SPOPL: variants seen among roughly 807,000 people sequenced by gnomAD.
SPOPL encodes the protein speckle type BTB/POZ protein like, also known as speckle-type POZ protein-like.
A neutral mutation model predicts 53.8 loss-of-function variants in SPOPL; 23 were observed. That is an observed-to-expected ratio of 0.43 (90% confidence interval 0.31 to 0.61). The LOEUF (loss-of-function observed/expected upper bound fraction) is 0.61. Ranked by LOEUF, SPOPL falls within the 20% of genes least tolerant of loss-of-function variation. SPOPL has a pLI of 0.12. For missense variants in SPOPL, 442 were observed against 466.9 expected, an observed-to-expected ratio of 0.95 and a Z score of 0.49; for synonymous variants, 164 against 149.7, an observed-to-expected ratio of 1.10 and a Z score of -0.70.
chr2:138,538,785 A>T lies in SPOPL; in HGVS notation c.-60-11372A>T, dbSNP rs180731643. On this transcript the variant is annotated intron_variant, in intron 1 of 10. Coordinates refer to ENST00000280098, the MANE Select transcript of SPOPL (RefSeq NM_001001664.3). ...TATTATACTTTAAGTTTTAGGGTTC[A>T]TGTGCACAACGTGCAGGTTAGTTAC... Among the ~76,000 whole-genome samples the T allele has an allele frequency of 8.6e-5, 13 of 150,666 alleles. No individual in the cohort carries two copies. The East Asian group carries it at 1.6e-3, about 18-fold the overall frequency.
intron 4 of SPOPL, among the ~76,000 whole-genome samples, chr2:138,552,289 T>C (rs1187158068): frequency 6.6e-6 from 1 of 152,196 alleles, no homozygotes; most frequent in East Asian, 1.9e-4. Context: ...CTCCATGTGA[T>C]TTGATCTGAC....
At position 138,550,175 on chromosome 2, in the gene SPOPL, T is replaced by C; in HGVS notation, c.-42T>C. ...TTTGTAGGTAAGGTACTCAACTGTGTGGGGTACTACATAAATCCTGAAAGA... is the reference window on the plus strand; with the variant it reads ...TTTGTAGGTAAGGTACTCAACTGTGCGGGGTACTACATAAATCCTGAAAGA... On this transcript the variant is annotated 5_prime_UTR_variant, in exon 2 of 11. Coordinates refer to ENST00000280098, the MANE Select transcript of SPOPL (RefSeq NM_001001664.3). 6.3e-7 allele frequency: 1 copy of C among 1,582,352 alleles called. No individual in the cohort carries two copies. The highest frequency in any genetic ancestry group is 2.2e-5 in the East Asian group (1 of 44,648).
At chr2:138,559,958 CT>C (rs1368930606) in intron 7 of SPOPL, among the ~76,000 whole-genome samples, 1 of 152,124 alleles carries the variant, frequency 6.6e-6, no homozygotes, top group Non-Finnish European at 1.5e-5. Context: ...AAAATAACTG[CT>C]TTCTTTCTCC....
intron 1 of SPOPL, among the ~76,000 whole-genome samples, chr2:138,518,254 G>A (rs1173494540): frequency 6.6e-6 from 1 of 151,778 alleles, no homozygotes; most frequent in Admixed American, 6.6e-5. Flanking sequence ...GAAGGGAGAA[G>A]GAGAGAACAT....
At chr2:138,532,573 C>G (rs1684835586) in intron 1 of SPOPL, among the ~76,000 whole-genome samples, 1 of 149,842 alleles carries the variant, frequency 6.7e-6, no homozygotes, top group Non-Finnish European at 1.5e-5. Context: ...ACTACAGGCG[C>G]CTACCACCAC....
rs182304931 is a variant in SPOPL, at chr2:138,529,549, C to T, written c.-60-20608C>T. On this transcript the variant is annotated intron_variant, in intron 1 of 10. Transcript: ENST00000280098. ...GTGTGTGTGTGTTTGCGTGCGCGCG[C>T]GCTTCTGCATTCTCCTTTTTCATTA... 8.7e-4 allele frequency among the ~76,000 whole-genome samples: 129 copies of T among 148,364 alleles called. 1 individual carries two copies. The Middle Eastern group carries it at 0.014, about 16-fold the overall frequency.
chr2:138,539,379 G>A (rs1304451757), intron 1 of SPOPL, among the ~76,000 whole-genome samples: 2 of 152,148 alleles, frequency 1.3e-5, no homozygotes, highest in Admixed American at 1.3e-4. Context: ...GTGTAAAAGT[G>A]TTCCTATTTC....
intron 1 of SPOPL, among the ~76,000 whole-genome samples, chr2:138,533,822 A>G (rs540309828): frequency 6.6e-6 from 1 of 152,150 alleles, no homozygotes; most frequent in Non-Finnish European, 1.5e-5. Flanking sequence ...GTAATTTACC[A>G]TTTGTTAATT....
intron 1 of SPOPL, among the ~76,000 whole-genome samples, chr2:138,520,772 T>A (rs1274745555): frequency 6.6e-6 from 1 of 152,228 alleles, no homozygotes; most frequent in Admixed American, 6.5e-5. Context: ...ACCTAACTGC[T>A]AGTCTGGCCC....
chr2:138,507,610 G>A (rs193075190), intron 1 of SPOPL, among the ~76,000 whole-genome samples: 1 of 152,312 alleles, frequency 6.6e-6, no homozygotes, highest in Non-Finnish European at 1.5e-5. Flanking sequence ...TTAAAGAAAT[G>A]ATACTCCAAG....
chr2:138,552,503 A>G (rs1159436117), intron 4 of SPOPL, 51 bp from the exon 5 acceptor site: 1 of 1,563,728 alleles, frequency 6.4e-7, no homozygotes, highest in African/African-American at 1.4e-5. Flanking sequence ...CCATGTTTAA[A>G]AAGTCTCTTG....
chr2:138,549,413 C>T (rs1467056991), intron 1 of SPOPL, among the ~76,000 whole-genome samples: 1 of 152,090 alleles, frequency 6.6e-6, no homozygotes, highest in Non-Finnish European at 1.5e-5. Flanking sequence ...GAGTGCACTA[C>T]TTATGTAGCT....
At chr2:138,549,564 T>C (rs1254101963) in intron 1 of SPOPL, among the ~76,000 whole-genome samples, 1 of 152,146 alleles carries the variant, frequency 6.6e-6, no homozygotes, top group Non-Finnish European at 1.5e-5. Context: ...TTTTATGACA[T>C]AGTACGTCTC....
intron 5 of SPOPL, among the ~76,000 whole-genome samples, chr2:138,555,161 T>TGTGTGTGTGTGTGTGC: frequency 6.6e-6 from 1 of 151,280 alleles, no homozygotes; most frequent in Non-Finnish European, 1.5e-5. Flanking sequence ...TGTGTGTGTG[T>TGTGTGTGTGTGTGTGC]GTGTGTGTGC....
chr2:138,534,372 A>C lies in SPOPL; in HGVS notation c.-60-15785A>C, dbSNP rs142518144. Among the ~76,000 whole-genome samples, 292 of 152,344 alleles carry C rather than the reference A, an allele frequency of 1.9e-3. 6 individuals carry two copies. The highest frequency in any genetic ancestry group is 3.4e-3 in the Middle Eastern group (1 of 294). On this transcript the variant is annotated intron_variant, in intron 1 of 10. Transcript: ENST00000280098. ...AGCATTTACATTGTATTAGGTGTTA[A>C]GTAATCTAGAGATGATCTAAAGATA...
intron 1 of SPOPL, among the ~76,000 whole-genome samples, chr2:138,529,498 C>CTGTGTGTGTGTGTG: frequency 6.8e-6 from 1 of 147,584 alleles, no homozygotes; most frequent in Non-Finnish European, 1.5e-5. Flanking sequence ...ATGCATGTGC[C>CTGTGTGTGTGTGTG]TGTGTGTGTG....
chr2:138,536,014 A>AT (rs1052248444), intron 1 of SPOPL, among the ~76,000 whole-genome samples: 27 of 151,558 alleles, frequency 1.8e-4, no homozygotes, highest in Admixed American at 4.6e-4. Context: ...GACATTCTTT[A>AT]TTTTTTTTGT....
chr2:138,571,172 A>G lies in SPOPL; in HGVS notation c.*2092A>G, dbSNP rs1236665891. ...GCGAGGGTCTTATAAGAAAACAAAA[A>G]TTCCCTCAGGCTATAGAATTATGTT... On this transcript the variant is annotated 3_prime_UTR_variant, in exon 11 of 11. Coordinates refer to ENST00000280098, the MANE Select transcript of SPOPL (RefSeq NM_001001664.3). 2 of 152,164 alleles carry G rather than the reference A, an allele frequency of 1.3e-5. No homozygotes were observed. The highest frequency in any genetic ancestry group is 4.8e-5 in the African/African-American group (2 of 41,444). The allele number at this position is 152,164 out of a possible 1,614,324, so 9.4% of individuals were successfully genotyped here.
intron 1 of SPOPL, among the ~76,000 whole-genome samples, chr2:138,540,247 A>G (rs1256080519): frequency 1.3e-5 from 2 of 152,292 alleles, no homozygotes; most frequent in African/African-American, 4.8e-5. Context: ...TTGGTTCCAT[A>G]TGAACTTGAA....
Sources: gnomAD v4.1 joint callset for allele counts (sites outside exome capture counted in the v4.1 genomes callset) on GRCh38, gnomAD v4.1.1 for gene constraint, MANE v1.5 for transcripts, NCBI Gene and HGNC (gene_info 2026-07-23, HGNC 2026-07-21) for gene names.